KCTD16: variants seen among roughly 807,000 people sequenced by gnomAD.
KCTD16 encodes the protein potassium channel tetramerization domain containing 16, also known as BTB/POZ domain-containing protein KCTD16.
In KCTD16, 13 loss-of-function variants were observed where a neutral mutation model predicts 33.2. The observed-to-expected ratio is 0.39, with a 90% CI of 0.25 to 0.62. KCTD16 has a LOEUF of 0.62. Ranked by LOEUF, KCTD16 falls within the 20% of genes least tolerant of loss-of-function variation. The probability of loss-of-function intolerance (pLI) is 0.50; values close to 1 mark genes in which losing one functional copy is unlikely to be tolerated. For synonymous variants in KCTD16, 197 were observed against 195.3 expected (o/e 1.01, Z -0.07); for missense variants, 441 against 525.1 (o/e 0.84, Z 1.57).
At chr5:144,344,499 A>G (rs1752732018) in intron 3 of KCTD16, among the ~76,000 whole-genome samples, 2 of 151,916 alleles carry the variant, frequency 1.3e-5, no homozygotes, top group Non-Finnish European at 2.9e-5. Context: ...AACTTCAACA[A>G]ATTTACAAGA....
chr5:144,449,085 T>C (rs1381299210), intron 3 of KCTD16, among the ~76,000 whole-genome samples: 1 of 152,086 alleles, frequency 6.6e-6, no homozygotes, highest in Non-Finnish European at 1.5e-5. Flanking sequence ...TCTGATTTTC[T>C]GCAATCAATA....
At chr5:144,222,792 G>A (rs935441277) in intron 3 of KCTD16, among the ~76,000 whole-genome samples, 3 of 152,178 alleles carry the variant, frequency 2.0e-5, no homozygotes, top group African/African-American at 7.2e-5. Context: ...CCATTACTGG[G>A]TATATACCCA....
intron 3 of KCTD16, among the ~76,000 whole-genome samples, chr5:144,370,324 C>G (rs1363619908): frequency 6.6e-6 from 1 of 152,170 alleles, no homozygotes; most frequent in Non-Finnish European, 1.5e-5. Flanking sequence ...AAAGTTTTTC[C>G]TAGTTCTACC....
At chr5:144,323,206 C>T (rs1163459100) in intron 3 of KCTD16, among the ~76,000 whole-genome samples, 1 of 152,144 alleles carries the variant, frequency 6.6e-6, no homozygotes, top group Non-Finnish European at 1.5e-5. Context: ...AACCTCAATA[C>T]TATACTTTTA....
At chr5:144,465,925 G>A (rs556859479) in intron 3 of KCTD16, among the ~76,000 whole-genome samples, 1 of 151,816 alleles carries the variant, frequency 6.6e-6, no homozygotes, top group African/African-American at 2.4e-5. Flanking sequence ...TTCAACCTCC[G>A]CCTCCCGGGT....
chr5:144,288,724 C>G (rs1755814956), intron 3 of KCTD16, among the ~76,000 whole-genome samples: 1 of 152,104 alleles, frequency 6.6e-6, no homozygotes, highest in South Asian at 2.1e-4. Context: ...AATCCTAGCA[C>G]TTAGGAAGGC....
intron 3 of KCTD16, among the ~76,000 whole-genome samples, chr5:144,305,702 T>A (rs953225861): frequency 6.6e-6 from 1 of 152,052 alleles, no homozygotes; most frequent in Admixed American, 6.6e-5. Flanking sequence ...TACTCCCAGC[T>A]ACTCAGGAGG....
At chr5:144,314,198 C>T (rs1311422755) in intron 3 of KCTD16, among the ~76,000 whole-genome samples, 1 of 152,126 alleles carries the variant, frequency 6.6e-6, no homozygotes, top group Non-Finnish European at 1.5e-5. Context: ...GAGATCAATA[C>T]AAATATTATA....
At chr5:144,275,947 A>T (rs369111219) in intron 3 of KCTD16, among the ~76,000 whole-genome samples, 1 of 152,196 alleles carries the variant, frequency 6.6e-6, no homozygotes, top group Non-Finnish European at 1.5e-5. Context: ...CTATCCTGAC[A>T]TTGTCATTCC....
chr5:144,202,859 T>A (rs1753075194), intron 2 of KCTD16, among the ~76,000 whole-genome samples: 1 of 152,212 alleles, frequency 6.6e-6, no homozygotes, highest in Admixed American at 6.5e-5. Flanking sequence ...TTTCCATTTT[T>A]CAATTCTCAG....
intron 2 of KCTD16, among the ~76,000 whole-genome samples, chr5:144,198,925 G>A (rs1168948443): frequency 1.3e-5 from 2 of 152,172 alleles, no homozygotes; most frequent in Non-Finnish European, 2.9e-5. Context: ...TAGCTGGTAA[G>A]TACCTCTTTC....
chr5:144,192,520 C>T (rs1416922513), intron 2 of KCTD16, among the ~76,000 whole-genome samples: 4 of 152,122 alleles, frequency 2.6e-5, no homozygotes, highest in African/African-American at 9.7e-5. Flanking sequence ...TCAATTAATT[C>T]ATCTATTTAT....
chr5:144,218,710 C>CATT (rs1347168754), intron 3 of KCTD16, among the ~76,000 whole-genome samples: 7 of 152,076 alleles, frequency 4.6e-5, no homozygotes, highest in African/African-American at 1.7e-4. Flanking sequence ...TGGTATATAC[C>CATT]ATTATTATGA....
In KCTD16 at chr5:144,172,579, T is replaced by A. The variant is rs558947007; in HGVS notation, c.-493+1570T>A. Among the ~76,000 whole-genome samples, 115 of 152,344 alleles carry A rather than the reference T, an allele frequency of 7.5e-4. No individual in the cohort carries two copies. In the South Asian group the frequency reaches 0.023, roughly 31 times the overall value. ...AGTGTTCACCACCTTTCATCAATCA[T>A]TTTAGCATTTATTGGTTTAGGTATC... On this transcript the variant is annotated intron_variant, in intron 1 of 3. Coordinates refer to ENST00000512467, the MANE Select transcript of KCTD16 (RefSeq NM_020768.4).
At chr5:144,357,583 G>A (rs1004735542) in intron 3 of KCTD16, among the ~76,000 whole-genome samples, 2 of 152,108 alleles carry the variant, frequency 1.3e-5, no homozygotes, top group African/African-American at 2.4e-5. Context: ...ATATAACCAA[G>A]GTATGCTCTC....
intron 3 of KCTD16, among the ~76,000 whole-genome samples, chr5:144,290,413 A>G (rs947653829): frequency 1.3e-4 from 20 of 152,370 alleles, no homozygotes; most frequent in African/African-American, 4.6e-4. Context: ...AGATATATTC[A>G]TTAAAATTAT....
rs150330560 is a variant in KCTD16, at chr5:144,291,743, A to G, written c.832+84197A>G. 5.2e-3 allele frequency among the ~76,000 whole-genome samples: 785 copies of G among 152,354 alleles called. 5 individuals are homozygous for G. The highest frequency in any genetic ancestry group is 7.8e-3 in the Non-Finnish European group (532 of 68,032). ...AAATTCAGCGCATCTGGGAACTTGA[A>G]TGAGAAAAAATTGCATCTTTCTTGT... is the stretch of plus-strand genomic sequence containing the variant. On this transcript the variant is annotated intron_variant, in intron 3 of 3. Coordinates refer to ENST00000512467, the MANE Select transcript of KCTD16 (RefSeq NM_020768.4).
chr5:144,324,737 A>C lies in KCTD16; in HGVS notation c.832+117191A>C, dbSNP rs986125988. 2.0e-5 allele frequency among the ~76,000 whole-genome samples: 3 copies of C among 152,240 alleles called. No individual in the cohort carries two copies. The East Asian group carries it at 5.8e-4, about 29-fold the overall frequency. On this transcript the variant is annotated intron_variant, in intron 3 of 3. Transcript: ENST00000512467. ...TGTTACATATACATCATGGAATACT[A>C]TGCAGCCATAAAAAGGAACAAGATC...
intron 3 of KCTD16, among the ~76,000 whole-genome samples, chr5:144,308,692 T>TA (rs1402114835): frequency 7.0e-6 from 1 of 141,964 alleles, no homozygotes; most frequent in Non-Finnish European, 1.5e-5. Context: ...TGAGGCCCAC[T>TA]AAACTTAATG....
Sources: gnomAD v4.1 joint callset for allele counts (sites outside exome capture counted in the v4.1 genomes callset) on GRCh38, gnomAD v4.1.1 for gene constraint, MANE v1.5 for transcripts, NCBI Gene and HGNC (gene_info 2026-07-23, HGNC 2026-07-21) for gene names.